Variants in DICER1 observed in about 807,000 individuals in gnomAD.
The protein encoded by DICER1 is dicer 1, ribonuclease III.
A neutral mutation model predicts 194.1 loss-of-function variants in DICER1; 43 were observed. The observed-to-expected ratio is 0.22, with a 90% CI of 0.17 to 0.29. The LOEUF is 0.29. Among genes scored for constraint, DICER1 ranks in the 10% least tolerant of loss-of-function variants. The pLI is 1.00. For synonymous variants in DICER1, 832 were observed against 820.5 expected, an observed-to-expected ratio of 1.01 and a Z score of -0.24; for missense variants, 1,608 against 2,317.0, an observed-to-expected ratio of 0.69 and a Z score of 6.28.
chr14:95,142,060 G>A (rs1894857052), intron 1 of DICER1, among the ~76,000 whole-genome samples: 1 of 152,030 alleles, frequency 6.6e-6, no homozygotes, highest in South Asian at 2.1e-4. Context: ...CTGTATATGA[G>A]CATATCTTCC....
chr14:95,100,144 T>C (rs1182306774), intron 21 of DICER1, among the ~76,000 whole-genome samples: 4 of 152,224 alleles, frequency 2.6e-5, no homozygotes, highest in African/African-American at 2.4e-5. Flanking sequence ...TTTTTTGGTG[T>C]AAATATTTCT....
At chr14:95,139,347 T>C (rs1276197061) in intron 1 of DICER1, among the ~76,000 whole-genome samples, 2 of 152,248 alleles carry the variant, frequency 1.3e-5, no homozygotes, top group African/African-American at 4.8e-5. Flanking sequence ...ATCTTACCCT[T>C]ACCTGTATTA....
At chr14:95,151,722 A>C (rs1445232939) in intron 1 of DICER1, among the ~76,000 whole-genome samples, 1 of 152,246 alleles carries the variant, frequency 6.6e-6, no homozygotes, top group Non-Finnish European at 1.5e-5. Context: ...AGAACTTAAA[A>C]TACCATGAAT....
chr14:95,115,065 T>C (rs1176661440), intron 11 of DICER1, among the ~76,000 whole-genome samples: 1 of 152,178 alleles, frequency 6.6e-6, no homozygotes, highest in Non-Finnish European at 1.5e-5. Flanking sequence ...GAGTCTCTCT[T>C]GGTGTCTGGG....
intron 1 of DICER1, among the ~76,000 whole-genome samples, chr14:95,144,986 T>C (rs968933213): frequency 6.6e-6 from 1 of 152,214 alleles, no homozygotes; most frequent in Admixed American, 6.5e-5. Context: ...GTTTCCTCCA[T>C]ACACCGTCTA....
intron 26 of DICER1, 53 bp downstream of exon 26, chr14:95,090,981 T>C (rs1205637159): frequency 6.7e-7 from 1 of 1,494,786 alleles, no homozygotes; most frequent in Non-Finnish European, 9.3e-7. Context: ...TGTGAACTTT[T>C]CCCCTTTGAT....
intron 8 of DICER1, 57 bp from the exon 9 acceptor site, chr14:95,117,811 G>GT: frequency 1.3e-6 from 2 of 1,560,106 alleles, no homozygotes; most frequent in Non-Finnish European, 1.8e-6. Context: ...ATAAACTTTT[G>GT]TTTTTAAAGC....
chr14:95,148,790 T>C (rs1895311555), intron 1 of DICER1, among the ~76,000 whole-genome samples: 1 of 152,192 alleles, frequency 6.6e-6, no homozygotes, highest in African/African-American at 2.4e-5. Context: ...ACAGCACAGA[T>C]ACCCACCCCT....
rs1314908404 is a variant in DICER1 at position 95,089,275 on chromosome 14, G to A, written c.*1223C>T. The A allele has an allele frequency of 3.0e-5, 7 of 231,460 alleles. No individual in the cohort carries two copies. In the Admixed American group the frequency reaches 4.0e-4, roughly 13 times the overall value. The allele number at this position is 231,460 out of a possible 1,614,324, so 14.3% of individuals were successfully genotyped here. On this transcript the variant is annotated 3_prime_UTR_variant, in exon 27 of 27. Coordinates refer to ENST00000343455, the MANE Select transcript of DICER1 (RefSeq NM_177438.3). Reference sequence around the variant, plus strand: ...TAAATTAATGACCTAAATCACAGATGTATCAAAATTACGGCAGTTTATCGC... The same window carrying A: ...TAAATTAATGACCTAAATCACAGATATATCAAAATTACGGCAGTTTATCGC...
At position 95,103,796 on chromosome 14, in the gene DICER1, A is replaced by G; in HGVS notation, c.3600T>C (p.Asn1200=). 1 of 1,614,146 alleles carries G rather than the reference A, an allele frequency of 6.2e-7. No homozygotes were observed. Among genetic ancestry groups the G allele is most frequent in the Non-Finnish European group, 8.5e-7 (1 of 1,180,026 alleles). Residue 1200 remains asparagine, a synonymous_variant, in exon 21 of 27, where the codon AAT becomes AAC. Transcript: ENST00000343455. ...TTTCCTGCTTGTAGTAATTTAGCTG[A>G]TTTCCTTGGCAAAAGTCTCTGTTAG... ...DLANRDFCQG[N]QLNYYKQEIP... is the part of the protein sequence containing the mutation.
intron 14 of DICER1, among the ~76,000 whole-genome samples, chr14:95,110,344 A>C (rs1312045241): frequency 1.3e-5 from 2 of 152,192 alleles, no homozygotes; most frequent in Admixed American, 6.5e-5. Flanking sequence ...CGGACAGGAC[A>C]CCACTCTGTG....
At chr14:95,112,059 G>T in intron 13 of DICER1, 113 bp downstream of exon 13, 2 of 876,162 alleles carry the variant, frequency 2.3e-6, no homozygotes, top group Non-Finnish European at 3.8e-6. Context: ...ATTAAGATCA[G>T]CAAGTGAATA....
At chr14:95,126,508 T>C in intron 7 of DICER1, 72 bp downstream of exon 7, 1 of 1,028,288 alleles carries the variant, frequency 9.7e-7, no homozygotes, top group South Asian at 1.4e-5. Context: ...ATTAAGCATA[T>C]TTTCATTTCA....
At chr14:95,150,368 C>T (rs1895435593) in intron 1 of DICER1, among the ~76,000 whole-genome samples, 1 of 152,110 alleles carries the variant, frequency 6.6e-6, no homozygotes, top group Non-Finnish European at 1.5e-5. Context: ...CACCTGTAGT[C>T]CCAGCTACTC....
Position 95,115,837 on chromosome 14 carries a change from A to C in DICER1, c.1753-16T>G. On this transcript the variant is annotated splice_polypyrimidine_tract_variant and intron_variant, in intron 10 of 26. Transcript: ENST00000343455. ...TTCTCAAGATCTGAACATTTAAAAA[A>C]CAGAACTTATGATGAAAACACATCC... The C allele has an allele frequency of 6.2e-7, 1 of 1,613,900 alleles. No homozygotes were observed. Among genetic ancestry groups the C allele is most frequent in the Non-Finnish European group, 8.5e-7 (1 of 1,179,790 alleles).
chr14:95,156,689 C>G (rs181672197), intron 1 of DICER1, among the ~76,000 whole-genome samples: 213 of 152,348 alleles, frequency 1.4e-3, no homozygotes, highest in East Asian at 8.7e-3. Context: ...TCGGCCCCTG[C>G]CCGCCCCCCA....
In DICER1 at chr14:95,130,192, C is replaced by A. The variant is rs1566811995; in HGVS notation, c.439G>T (p.Val147Phe). The change falls in exon 5 of 27, where the codon GTT becomes TTT. Residue 147 changes from valine to phenylalanine, a missense_variant and splice_region_variant. Around this residue, in one of 10 missense-constraint regions of DICER1, gnomAD observed 657 missense variants for 910.1 expected, o/e 0.72. Coordinates refer to ENST00000343455, the MANE Select transcript of DICER1 (RefSeq NM_177438.3). ...RWNQEFTKHQVLIMTCYVALN... is the reference protein window; with the variant it reads ...RWNQEFTKHQFLIMTCYVALN... ...GCGACATAGCAAGTCATAATGAGAA[C>A]CTAAAATAAAATCAACATCAGTAAA... The A allele has an allele frequency of 6.2e-7, 1 of 1,611,864 alleles. No homozygotes were observed. Among genetic ancestry groups the A allele is most frequent in the Non-Finnish European group, 8.5e-7 (1 of 1,179,244 alleles).
intron 1 of DICER1, among the ~76,000 whole-genome samples, chr14:95,147,616 C>G (rs1398725362): frequency 6.6e-6 from 1 of 152,228 alleles, no homozygotes; most frequent in African/African-American, 2.4e-5. Flanking sequence ...TCCCCAACAA[C>G]AAGCAAGCCA....
At position 95,095,787 on chromosome 14, in the gene DICER1, A is replaced by G. The variant is rs1209338761; in HGVS notation, c.5095+38T>C. ...CACGATGAGATCAACACAAAGTCTC[A>G]TTTTCCCAGAAATGAAGTCTGGTCG... On this transcript the variant is annotated intron_variant, in intron 23 of 26. Coordinates refer to ENST00000343455, the MANE Select transcript of DICER1 (RefSeq NM_177438.3). 2 of 1,609,796 alleles carry G rather than the reference A, an allele frequency of 1.2e-6. No individual in the cohort carries two copies. The highest frequency in any genetic ancestry group is 1.7e-6 in the Non-Finnish European group (2 of 1,177,058).
Sources: gnomAD v4.1 joint callset for allele counts (sites outside exome capture counted in the v4.1 genomes callset) on GRCh38, gnomAD v4.1.1 for gene constraint, gnomAD v4.1.1 regional missense constraint, MANE v1.5 for transcripts, NCBI Gene and HGNC (gene_info 2026-07-23, HGNC 2026-07-21) for gene names.